VRK2: variants seen among roughly 807,000 people sequenced by gnomAD.
VRK2 encodes the protein VRK serine/threonine kinase 2, also known as serine/threonine-protein kinase VRK2.
In VRK2, 60 loss-of-function variants were observed where a neutral mutation model predicts 57.6. The ratio of observed to expected loss-of-function variants is 1.04; its 90% CI spans 0.85 to 1.29. The LOEUF (loss-of-function observed/expected upper bound fraction) is 1.29. Ranked by LOEUF, VRK2 falls within the 50% of genes most tolerant of loss-of-function variation. VRK2 has a pLI of 0.00. For synonymous variants in VRK2, 231 were observed against 199.2 expected (o/e 1.16, Z -1.35); for missense variants, 705 against 588.1 (o/e 1.20, Z -2.06).
intron 10 of VRK2, among the ~76,000 whole-genome samples, chr2:58,136,841 A>ATGTGTG (rs1680124391): frequency 6.7e-5 from 9 of 134,438 alleles, no homozygotes; most frequent in African/African-American, 2.8e-4. Flanking sequence ...TATATCATAT[A>ATGTGTG]TATTATATCA....
At chr2:58,035,924 T>C (rs964125330) in intron 3 of VRK2, among the ~76,000 whole-genome samples, 10 of 152,102 alleles carry the variant, frequency 6.6e-5, no homozygotes, top group African/African-American at 2.4e-4. Context: ...TCTTTTGAAC[T>C]ATATAAATGG....
At chr2:58,099,997 ATTG>A (rs1419429315) in intron 7 of VRK2, among the ~76,000 whole-genome samples, 8 of 152,036 alleles carry the variant, frequency 5.3e-5, no homozygotes, top group Admixed American at 5.3e-4. Flanking sequence ...TGTCTTGCCT[ATTG>A]TTGTACAGTT....
chr2:58,128,255 A>T (rs1375421848), intron 8 of VRK2, among the ~76,000 whole-genome samples: 1 of 152,190 alleles, frequency 6.6e-6, no homozygotes, highest in African/African-American at 2.4e-5. Flanking sequence ...TGCCTGCTTC[A>T]AATACCTTCC....
chr2:58,075,551 G>GT, intron 2 of VRK2, among the ~76,000 whole-genome samples: 1 of 152,196 alleles, frequency 6.6e-6, no homozygotes, highest in South Asian at 2.1e-4. Context: ...AACATCTATT[G>GT]TTTTTTGACT....
chr2:58,093,416 G>C (rs1305428386), intron 7 of VRK2, among the ~76,000 whole-genome samples: 1 of 152,074 alleles, frequency 6.6e-6, no homozygotes, highest in Admixed American at 6.5e-5. Flanking sequence ...GATGGCCAGT[G>C]ATGATGAGCA....
chr2:58,027,367 T>C (rs976300487), intron 2 of VRK2, among the ~76,000 whole-genome samples: 1 of 152,088 alleles, frequency 6.6e-6, no homozygotes, highest in African/African-American at 2.4e-5. Context: ...GGGTGGATAG[T>C]GGTAAGAAGA....
chr2:58,047,239 TG>T, intron 1 of VRK2: 2 of 286,424 alleles, frequency 7.0e-6, no homozygotes, highest in Non-Finnish European at 5.2e-6. Context: ...ACCAGGCGGC[TG>T]GGCCGCGCTG....
chr2:57,978,081 T>G (rs953937366), intron 1 of VRK2, among the ~76,000 whole-genome samples: 1 of 151,320 alleles, frequency 6.6e-6, no homozygotes, highest in Non-Finnish European at 1.5e-5. Context: ...TTGATCATAG[T>G]GAATTAGCTT....
rs145134530 is a variant in VRK2, at chr2:58,083,055, A to C, written c.137-1034A>C. ...ACACAGCATTTTAATAAATATATTG[A>C]ATATATAAAAATATATTGTATCTCA... On this transcript the variant is annotated intron_variant, in intron 2 of 12. Transcript: ENST00000340157. Among the ~76,000 whole-genome samples the C allele has an allele frequency of 2.6e-5, 4 of 151,902 alleles. No homozygotes were observed. The East Asian group carries it at 7.7e-4, about 29-fold the overall frequency.
chr2:58,112,349 G>A (rs753598966), intron 7 of VRK2, among the ~76,000 whole-genome samples: 74 of 152,286 alleles, frequency 4.9e-4, no homozygotes, highest in Non-Finnish European at 7.6e-4. Flanking sequence ...AACCTCAAAA[G>A]ATATTACTTC....
chr2:57,972,459 A>G (rs1157732792), intron 1 of VRK2, among the ~76,000 whole-genome samples: 1 of 152,004 alleles, frequency 6.6e-6, no homozygotes, highest in East Asian at 1.9e-4. Flanking sequence ...GTAGATTACC[A>G]GAAACAGTTT....
intron 1 of VRK2, among the ~76,000 whole-genome samples, chr2:57,923,182 T>G (rs1405751239): frequency 6.6e-6 from 1 of 152,062 alleles, no homozygotes; most frequent in Non-Finnish European, 1.5e-5. Context: ...GCAATAAACA[T>G]AGAAGTGCAG....
intron 7 of VRK2, among the ~76,000 whole-genome samples, chr2:58,105,833 T>G (rs1034007558): frequency 1.3e-5 from 2 of 151,924 alleles, no homozygotes; most frequent in Non-Finnish European, 2.9e-5. Context: ...GAATATGTAG[T>G]TAGTGTAAAC....
chr2:57,940,563 GA>G (rs5831479), intron 1 of VRK2, among the ~76,000 whole-genome samples: 96,631 of 151,962 alleles, frequency 0.64, 30,888 homozygotes, highest in African/African-American at 0.72. Context: ...AGTCTATTTA[GA>G]AAGAGCACTG....
In VRK2 at chr2:58,139,848, C is replaced by G. The variant is rs1301340316; in HGVS notation, c.1023+16C>G. ...CAGTCAAAAAGTAAGTAACATAATC[C>G]CTGCTATCCTATGATTACCTTCTAT... is the stretch of plus-strand genomic sequence containing the variant. On this transcript the variant is annotated intron_variant, in intron 11 of 12. Transcript: ENST00000340157. 16 of 1,591,666 alleles carry G rather than the reference C, an allele frequency of 1.0e-5. No homozygotes were observed. The highest frequency in any genetic ancestry group is 3.4e-5 in the Admixed American group (2 of 57,976).
At chr2:57,927,339 T>C (rs1198187713) in intron 1 of VRK2, among the ~76,000 whole-genome samples, 1 of 151,304 alleles carries the variant, frequency 6.6e-6, no homozygotes, top group Non-Finnish European at 1.5e-5. Context: ...TCCAGTGGCG[T>C]GATCTCGACT....
intron 1 of VRK2, among the ~76,000 whole-genome samples, chr2:58,018,263 G>C (rs1330382988): frequency 6.6e-6 from 1 of 152,172 alleles, no homozygotes; most frequent in Non-Finnish European, 1.5e-5. Context: ...AAAATGCTGA[G>C]ATTACAGGCA....
chr2:57,926,403 T>C (rs1670533457), intron 1 of VRK2, among the ~76,000 whole-genome samples: 1 of 148,924 alleles, frequency 6.7e-6, no homozygotes, highest in African/African-American at 2.5e-5. Context: ...GGTCCTCCAG[T>C]GTCCTCCAGT....
intron 10 of VRK2, among the ~76,000 whole-genome samples, chr2:58,136,942 A>T (rs981939610): frequency 7.4e-6 from 1 of 135,964 alleles, no homozygotes; most frequent in African/African-American, 2.8e-5. Context: ...CATATATATT[A>T]TATATCATAT....
Sources: gnomAD v4.1 joint callset for allele counts (sites outside exome capture counted in the v4.1 genomes callset) on GRCh38, gnomAD v4.1.1 for gene constraint, MANE v1.5 for transcripts, NCBI Gene and HGNC (gene_info 2026-07-23, HGNC 2026-07-21) for gene names.